The following SNTG1 variants were observed in gnomAD, a reference collection of about 807,000 sequenced individuals.
SNTG1 encodes the protein gamma-1-syntrophin.
SNTG1 carries 39 observed loss-of-function variants against 74.7 expected under a neutral mutation model. The ratio of observed to expected loss-of-function variants is 0.52; its 90% CI spans 0.40 to 0.68. SNTG1 has a LOEUF of 0.68. Among genes scored for constraint, SNTG1 ranks in the 30% least tolerant of loss-of-function variants. The probability of loss-of-function intolerance (pLI) is 0.00; values close to 1 mark genes in which losing one functional copy is unlikely to be tolerated. For missense variants in SNTG1, 685 were observed against 609.5 expected (o/e 1.12, Z -1.30); for synonymous variants, 254 against 217.1 (o/e 1.17, Z -1.49).
chr8:50,045,547 G>T (rs538868229), intron 1 of SNTG1, among the ~76,000 whole-genome samples: 69 of 152,046 alleles, frequency 4.5e-4, no homozygotes, highest in African/African-American at 1.4e-3. Flanking sequence ...TAAGATTTAG[G>T]GGGGACAACA....
At chr8:49,952,381 TAAACCATGGTGAGAGGCATA>T (rs956766578) in intron 1 of SNTG1, among the ~76,000 whole-genome samples, 47 of 152,158 alleles carry the variant, frequency 3.1e-4, no homozygotes, top group African/African-American at 9.6e-4. Context: ...AAGAGAGGCA[TAAACCATGGTGAGAGGCATA>T]AAACCATGGT....
At chr8:50,668,449 T>C (rs2095261137) in intron 15 of SNTG1, among the ~76,000 whole-genome samples, 1 of 151,198 alleles carries the variant, frequency 6.6e-6, no homozygotes. Context: ...TCTGATTCTT[T>C]TAGCTAGATC....
At chr8:50,439,175 G>A (rs1463063559) in intron 5 of SNTG1, among the ~76,000 whole-genome samples, 1 of 151,900 alleles carries the variant, frequency 6.6e-6, no homozygotes. Context: ...TTGACTATTA[G>A]AGATGTACCA....
intron 2 of SNTG1, among the ~76,000 whole-genome samples, chr8:50,198,462 GC>G (rs1020974289): frequency 6.6e-6 from 1 of 152,066 alleles, no homozygotes; most frequent in African/African-American, 2.4e-5. Context: ...TTTTTCTCCA[GC>G]CTTGACACAG....
At chr8:50,307,272 C>A (rs2089939231) in intron 2 of SNTG1, among the ~76,000 whole-genome samples, 1 of 151,854 alleles carries the variant, frequency 6.6e-6, no homozygotes, top group Non-Finnish European at 1.5e-5. Context: ...ATGAATATGT[C>A]CAATTTTAGC....
At chr8:50,417,638 C>T (rs12540980) in intron 4 of SNTG1, among the ~76,000 whole-genome samples, 1 of 151,984 alleles carries the variant, frequency 6.6e-6, no homozygotes. Context: ...CAGTCCCTTG[C>T]TCCCTTAGAT....
At chr8:50,553,847 CTGAG>C (rs1400359829) in intron 12 of SNTG1, among the ~76,000 whole-genome samples, 1 of 152,148 alleles carries the variant, frequency 6.6e-6, no homozygotes, top group Non-Finnish European at 1.5e-5. Context: ...CCTCACCTTA[CTGAG>C]TATCAATCTA....
chr8:50,696,651 A>G (rs1046616644), intron 15 of SNTG1, among the ~76,000 whole-genome samples: 1 of 152,014 alleles, frequency 6.6e-6, no homozygotes, highest in Non-Finnish European at 1.5e-5. Context: ...TTTTCTGCAT[A>G]TGGCCATCCA....
At chr8:50,129,411 G>T (rs1324693251) in intron 1 of SNTG1, among the ~76,000 whole-genome samples, 1 of 152,064 alleles carries the variant, frequency 6.6e-6, no homozygotes, top group African/African-American at 2.4e-5. Context: ...AAACTTTTTG[G>T]TTTAAAGCCA....
chr8:50,023,160 C>T (rs1280174045), intron 1 of SNTG1, among the ~76,000 whole-genome samples: 5 of 152,052 alleles, frequency 3.3e-5, no homozygotes, highest in Admixed American at 3.3e-4. Context: ...GTTTGATATC[C>T]ATCGACAGGG....
intron 18 of SNTG1, among the ~76,000 whole-genome samples, chr8:50,771,158 G>A (rs193043578): frequency 2.0e-5 from 3 of 152,136 alleles, no homozygotes; most frequent in Admixed American, 2.0e-4. Context: ...GAGGAGACTA[G>A]AAAAAGCCTG....
intron 12 of SNTG1, among the ~76,000 whole-genome samples, chr8:50,568,421 A>G (rs1474960899): frequency 6.6e-6 from 1 of 152,008 alleles, no homozygotes; most frequent in Non-Finnish European, 1.5e-5. Context: ...ACCTCCCTAC[A>G]GTTTTTCACA....
At chr8:50,784,175 C>T (rs2095668085) in intron 18 of SNTG1, among the ~76,000 whole-genome samples, 1 of 152,118 alleles carries the variant, frequency 6.6e-6, no homozygotes, top group Non-Finnish European at 1.5e-5. Context: ...ATCTCATTAA[C>T]ATTTACCTTT....
At chr8:50,014,457 T>C (rs200925752) in intron 1 of SNTG1, among the ~76,000 whole-genome samples, 1 of 42,280 alleles carries the variant, frequency 2.4e-5, no homozygotes, top group Non-Finnish European at 1.1e-4. Flanking sequence ...ATCTACACAA[T>C]GATAAGGACT....
At chr8:50,327,940 A>T (rs2090817572) in intron 2 of SNTG1, among the ~76,000 whole-genome samples, 1 of 152,172 alleles carries the variant, frequency 6.6e-6, no homozygotes, top group Non-Finnish European at 1.5e-5. Context: ...ACCTTCTAAT[A>T]ACAAAATATT....
At chr8:50,720,517 C>A (rs536000931) in intron 17 of SNTG1, among the ~76,000 whole-genome samples, 6 of 152,214 alleles carry the variant, frequency 3.9e-5, no homozygotes, top group African/African-American at 1.4e-4. Context: ...ATGAAAAGGA[C>A]AGATCTAGAA....
chr8:49,983,756 G>C (rs1812891858), intron 1 of SNTG1, among the ~76,000 whole-genome samples: 1 of 152,190 alleles, frequency 6.6e-6, no homozygotes, highest in Admixed American at 6.5e-5. Flanking sequence ...AAGGTTTGCA[G>C]AACAGTGGTA....
chr8:50,319,758 C>A (rs965297603), intron 2 of SNTG1, among the ~76,000 whole-genome samples: 1 of 152,076 alleles, frequency 6.6e-6, no homozygotes, highest in African/African-American at 2.4e-5. Context: ...TTATCAAATG[C>A]TTTTTCACCA....
intron 2 of SNTG1, among the ~76,000 whole-genome samples, chr8:50,194,263 A>C (rs1285523710): frequency 6.6e-6 from 1 of 152,094 alleles, no homozygotes; most frequent in Non-Finnish European, 1.5e-5. Flanking sequence ...TCTTATTTGA[A>C]TGTCTGGTAG....
Sources: gnomAD v4.1 joint callset for allele counts (sites outside exome capture counted in the v4.1 genomes callset) on GRCh38, gnomAD v4.1.1 for gene constraint, MANE v1.5 for transcripts, NCBI Gene and HGNC (gene_info 2026-07-23, HGNC 2026-07-21) for gene names.